Variants in TBKBP1 observed in about 807,000 individuals in gnomAD.
TBKBP1 encodes the protein TBK1 binding protein 1.
In TBKBP1, 47 loss-of-function variants were observed where a neutral mutation model predicts 69.9. The ratio of observed to expected loss-of-function variants is 0.67; its 90% confidence interval spans 0.53 to 0.86. The LOEUF (loss-of-function observed/expected upper bound fraction) is 0.86. TBKBP1 is among the 40% of genes least tolerant of loss of function. The probability of loss-of-function intolerance (pLI) is 0.00; values close to 1 mark genes in which losing one functional copy is unlikely to be tolerated. For synonymous variants in TBKBP1, 418 were observed against 390.3 expected (o/e 1.07, Z -0.84); for missense variants, 831 against 858.6 (o/e 0.97, Z 0.40).
chr17:47,700,057 G>A (rs1484473950), intron 7 of TBKBP1, among the ~76,000 whole-genome samples: 2 of 149,636 alleles, frequency 1.3e-5, no homozygotes, highest in African/African-American at 4.9e-5. Context: ...GCGCAATCTC[G>A]GCTCACTGCA....
chr17:47,697,984 C>T (rs1239457222), intron 4 of TBKBP1, among the ~76,000 whole-genome samples: 1 of 146,634 alleles, frequency 6.8e-6, no homozygotes, highest in East Asian at 2.1e-4. Flanking sequence ...AATCAGGAGA[C>T]ATGGTCTCAG....
intron 7 of TBKBP1, among the ~76,000 whole-genome samples, chr17:47,702,904 C>T (rs2031559197): frequency 6.6e-6 from 1 of 151,468 alleles, no homozygotes; most frequent in Non-Finnish European, 1.5e-5. Flanking sequence ...ACCCCCTTCT[C>T]TCTGGGCCCA....
intron 7 of TBKBP1, among the ~76,000 whole-genome samples, chr17:47,705,102 C>T (rs962951835): frequency 5.9e-5 from 9 of 152,176 alleles, no homozygotes; most frequent in African/African-American, 2.2e-4. Flanking sequence ...TCAGGGCTTC[C>T]AGGCCACTGC....
chr17:47,705,368 A>G (rs1015898374), intron 7 of TBKBP1, among the ~76,000 whole-genome samples: 6 of 152,240 alleles, frequency 3.9e-5, no homozygotes, highest in African/African-American at 1.4e-4. Context: ...GCAATGCCGT[A>G]GGGTTGTTGT....
chr17:47,694,859 T>A (rs1362158083), intron 1 of TBKBP1, among the ~76,000 whole-genome samples: 1 of 117,288 alleles, frequency 8.5e-6, no homozygotes, highest in Non-Finnish European at 1.7e-5. Context: ...CGCGTTTCCC[T>A]GGCACTTAGA....
intron 7 of TBKBP1, among the ~76,000 whole-genome samples, chr17:47,700,010 C>T (rs1211314549): frequency 3.5e-5 from 5 of 144,664 alleles, no homozygotes; most frequent in African/African-American, 1.3e-4. Context: ...TTTTTTGAGA[C>T]GGAGTCTTGC....
Position 47,710,395 on chromosome 17 carries a change from G to C in TBKBP1, c.1720-103G>C, listed in dbSNP as rs76682821. ...AAGGGTGGCTGGACCCCTCCTGCAT[G>C]CCACAGCCCTCCCTGCCCTGGGTCC... On this transcript the variant is annotated intron_variant, in intron 9 of 9. Coordinates refer to ENST00000578982, the MANE Select transcript of TBKBP1 (RefSeq NM_001394755.1). 2.7e-3 allele frequency: 3,968 copies of C among 1,487,042 alleles called. 83 individuals carry two copies. The African/African-American group carries it at 0.05, about 19-fold the overall frequency. The allele number at this position is 1,487,042 out of a possible 1,614,324, so 92.1% of individuals were successfully genotyped here.
At position 47,699,398 on chromosome 17, in the gene TBKBP1, G is replaced by T; in HGVS notation, c.713G>T (p.Gly238Val). The change falls in exon 6 of 10, where the codon GGA becomes GTA. Residue 238 changes from glycine (G) to valine (V), a missense_variant. By Grantham distance (109) the Gly-to-Val change is moderately radical. Transcript: ENST00000578982. ...RLEEALEAAQ[G>V]EARGAQLREE... ...GAAGAGGCTTTGGAGGCCGCGCAGG[G>T]AGAGGCCCGGGGGGCTCAGCTCCGG... 6.4e-7 allele frequency: 1 copy of T among 1,567,178 alleles called. No homozygotes were observed. The highest frequency in any genetic ancestry group is 8.6e-7 in the Non-Finnish European group (1 of 1,161,024).
At position 47,699,749 on chromosome 17, in the gene TBKBP1, C is replaced by G. The variant is rs2031415643; in HGVS notation, c.872+52C>G. On this transcript the variant is annotated intron_variant, in intron 7 of 9. Coordinates refer to ENST00000578982, the MANE Select transcript of TBKBP1 (RefSeq NM_001394755.1). ...CTCCGTGATGTTTGGGAGACCTCCC[C>G]TCCCAGCCCTCAGGGGTGTGGTGTC... The G allele has an allele frequency of 5.0e-6, 8 of 1,606,896 alleles. No homozygotes were observed. In the East Asian group the frequency reaches 1.8e-4, roughly 36 times the overall value.
rs527240573 is a variant in TBKBP1 at position 47,704,696 on chromosome 17, T to C, written c.873-3698T>C. Among the ~76,000 whole-genome samples the C allele has an allele frequency of 4.8e-4, 73 of 152,346 alleles. No homozygotes were observed. The South Asian group carries it at 0.014, about 29-fold the overall frequency. On this transcript the variant is annotated intron_variant, in intron 7 of 9. Coordinates refer to ENST00000578982, the MANE Select transcript of TBKBP1 (RefSeq NM_001394755.1). ...CTAACCCTATCCCTGATCCTGACCT[T>C]CAGCTCTGTCCACAATCTTGGCCAC...
Position 47,699,395 on chromosome 17 carries a change from A to T in TBKBP1, c.710A>T (p.Gln237Leu). 6.4e-7 allele frequency: 1 copy of T among 1,567,510 alleles called. No homozygotes were observed. Among genetic ancestry groups the T allele is most frequent in the Non-Finnish European group, 8.6e-7 (1 of 1,161,386 alleles). The part of the protein sequence containing the change: ...RRLEEALEAA[Q>L]GEARGAQLRE... Reference sequence around the variant, plus strand: ...CTAGAAGAGGCTTTGGAGGCCGCGCAGGGAGAGGCCCGGGGGGCTCAGCTC... The same window carrying T: ...CTAGAAGAGGCTTTGGAGGCCGCGCTGGGAGAGGCCCGGGGGGCTCAGCTC... The change falls in exon 6 of 10, where the codon CAG (glutamine) becomes CTG (leucine). Residue 237 changes from glutamine to leucine, a missense_variant. By Grantham distance (113) the Gln-to-Leu change is moderately radical. Coordinates refer to ENST00000578982, the MANE Select transcript of TBKBP1 (RefSeq NM_001394755.1).
At position 47,697,117 on chromosome 17, in the gene TBKBP1, A is replaced by G. The variant is rs1219177424; in HGVS notation, c.377A>G (p.Gln126Arg). Residue 126 changes from glutamine to arginine, a missense_variant, in exon 4 of 10, where the codon CAG becomes CGG. Coordinates refer to ENST00000578982, the MANE Select transcript of TBKBP1 (RefSeq NM_001394755.1). ...CAGAAGAACAAGGAGCAGGAAGAAC[A>G]GCTTGGAGAGATGATCCAGGCCTAC... ...ELQKNKEQEE[Q>R]LGEMIQAYEK... 4 of 1,612,596 alleles carry G rather than the reference A, an allele frequency of 2.5e-6. No individual in the cohort carries two copies. The highest frequency in any genetic ancestry group is 3.4e-6 in the Non-Finnish European group (4 of 1,179,358).
Position 47,708,771 on chromosome 17 carries a change from G to T in TBKBP1, c.1038G>T (p.Gln346His). ...PLSQRHSPAP[Q>H]CPSPSPPARA... ...CACAACGCCACTCCCCGGCCCCCCAGTGCCCCTCCCCCTCCCCGCCTGCCC... is the reference window on the plus strand; with the variant it reads ...CACAACGCCACTCCCCGGCCCCCCATTGCCCCTCCCCCTCCCCGCCTGCCC... The change falls in exon 9 of 10, where the codon CAG becomes CAT. Residue 346 changes from glutamine to histidine, a missense_variant. Gln to His is a conservative substitution (Grantham distance 24). Transcript: ENST00000578982. This position sits in a 1 kb window ranked among gnomAD's most constrained non-coding sequence, Gnocchi z 4.4. 1.2e-5 allele frequency: 5 copies of T among 415,548 alleles called. No homozygotes were observed. The highest frequency in any genetic ancestry group is 1.5e-5 in the Non-Finnish European group (4 of 268,480). The allele number at this position is 415,548 out of a possible 1,614,324, so 25.7% of individuals were successfully genotyped here.
At position 47,708,851 on chromosome 17, in the gene TBKBP1, C is replaced by T. The variant is rs1345409587; in HGVS notation, c.1118C>T (p.Pro373Leu). 4.9e-6 allele frequency: 7 copies of T among 1,424,328 alleles called. No homozygotes were observed. The highest frequency in any genetic ancestry group is 6.4e-6 in the Non-Finnish European group (7 of 1,094,334). 88.2% of individuals were successfully genotyped at this position (1,424,328 alleles called of 1,614,324 possible). The change falls in exon 9 of 10, where the codon CCC becomes CTC. Residue 373 changes from proline (P) to leucine (L), a missense_variant. Transcript: ENST00000578982. This position sits in a 1 kb window ranked among gnomAD's most constrained non-coding sequence, Gnocchi z 4.4. ...TCCCCCGTCCCCCAGCGCCGCTCTC[C>T]CGTGCCCCCGTGCCCCTCGCCGCAG... is the stretch of plus-strand genomic sequence containing the variant. ...CQSPVPQRRS[P>L]VPPCPSPQQR...
At chr17:47,699,788 C>T (rs552019131) in intron 7 of TBKBP1, 91 bp downstream of exon 7, 103 of 1,446,336 alleles carry the variant, frequency 7.1e-5, no homozygotes, top group Admixed American at 5.7e-4. Context: ...GCTGCTGTTG[C>T]TCTGTGTGCA....
At position 47,709,426 on chromosome 17, in the gene TBKBP1, C is replaced by T. The variant is rs1372567222; in HGVS notation, c.1693C>T (p.His565Tyr). 4 of 1,541,484 alleles carry T rather than the reference C, an allele frequency of 2.6e-6. No individual in the cohort carries two copies. The Admixed American group carries it at 7.6e-5, about 29-fold the overall frequency. ...CGCCACCGCCTACGCCCACGCCGAG[C>T]ACGCGCAGTCCTGGCCGTCCATCAA... ...PAATAYAHAE[H>Y]AQSWPSINLL... The change falls in exon 9 of 10, where the codon CAC becomes TAC. Residue 565 changes from histidine (H) to tyrosine (Y), a missense_variant. Coordinates refer to ENST00000578982, the MANE Select transcript of TBKBP1 (RefSeq NM_001394755.1).
intron 7 of TBKBP1, among the ~76,000 whole-genome samples, chr17:47,705,436 T>G (rs1260830414): frequency 6.6e-6 from 1 of 152,180 alleles, no homozygotes; most frequent in African/African-American, 2.4e-5. Context: ...CTCAAACAGA[T>G]CATCCGATTC....
chr17:47,710,388 C>T, intron 9 of TBKBP1, 110 bp from the exon 10 acceptor site: 5 of 1,452,450 alleles, frequency 3.4e-6, no homozygotes, highest in Non-Finnish European at 4.7e-6. Context: ...CTGGACCCCT[C>T]CTGCATGCCA....
chr17:47,696,732 G>A lies in TBKBP1; in HGVS notation c.247G>A (p.Gly83Arg). The change falls in exon 3 of 10, where the codon GGA (glycine) becomes AGA (arginine). Residue 83 changes from glycine (G) to arginine (R), a missense_variant. Physicochemically the swap from Gly to Arg is moderately radical, Grantham distance 125. Coordinates refer to ENST00000578982, the MANE Select transcript of TBKBP1 (RefSeq NM_001394755.1). Reference protein sequence around the residue: ...EIKYPLISDFGEEHGFSLYEI... With the variant: ...EIKYPLISDFREEHGFSLYEI... ...GCAGTACCCACTGATCAGTGACTTT[G>A]GAGAGGAGCATGGCTTTTCTCTGTA... 6.2e-7 allele frequency: 1 copy of A among 1,613,964 alleles called. No homozygotes were observed. The highest frequency in any genetic ancestry group is 8.5e-7 in the Non-Finnish European group (1 of 1,179,862).
Sources: gnomAD v4.1 joint callset for allele counts (sites outside exome capture counted in the v4.1 genomes callset) on GRCh38, gnomAD v4.1.1 for gene constraint, Gnocchi (gnomAD v3.1) non-coding constraint, MANE v1.5 for transcripts, NCBI Gene and HGNC (gene_info 2026-07-23, HGNC 2026-07-21) for gene names.